PPARGC1A: variants seen among roughly 807,000 people sequenced by gnomAD.
PPARGC1A encodes PPARG coactivator 1 alpha.
A neutral mutation model predicts 88.7 loss-of-function variants in PPARGC1A; 25 were observed. That is an observed-to-expected ratio of 0.28 (90% CI 0.21 to 0.39). The LOEUF (loss-of-function observed/expected upper bound fraction) is 0.39, where lower values mean the gene tolerates loss of function less well. Ranked by LOEUF, PPARGC1A falls within the 10% of genes least tolerant of loss-of-function variation. The pLI is 1.00. For synonymous variants in PPARGC1A, 363 were observed against 355.6 expected (o/e 1.02, Z -0.24); for missense variants, 880 against 968.7 (o/e 0.91, Z 1.22).
the PPARGC1A span, among the ~76,000 whole-genome samples, chr4:24,213,076 G>T: frequency 0.79 from 119,382 of 151,422 alleles, 49,492 homozygotes; most frequent in South Asian, 0.93. Flanking sequence ...GAGTCTTCAT[G>T]TCATGCTTCT....
chr4:23,932,983 A>T, the PPARGC1A span, among the ~76,000 whole-genome samples: 1 of 152,226 alleles, frequency 6.6e-6, no homozygotes, highest in African/African-American at 2.4e-5. Context: ...AGTTGGGCAG[A>T]GTTTTCCCGA....
chr4:23,826,542 C>T (rs1367073568), intron 5 of PPARGC1A, among the ~76,000 whole-genome samples: 7 of 152,090 alleles, frequency 4.6e-5, no homozygotes, highest in Non-Finnish European at 5.9e-5. Flanking sequence ...AATTACAACA[C>T]CTTAAGAAAG....
chr4:24,038,466 T>C, the PPARGC1A span, among the ~76,000 whole-genome samples: 1 of 152,218 alleles, frequency 6.6e-6, no homozygotes, highest in Non-Finnish European at 1.5e-5. Context: ...ATATTTATAT[T>C]TCAGGGACCA....
At chr4:23,918,075 C>T in the PPARGC1A span, among the ~76,000 whole-genome samples, 1 of 152,118 alleles carries the variant, frequency 6.6e-6, no homozygotes, top group African/African-American at 2.4e-5. Context: ...AAAACTCTGG[C>T]CTTTCACCTG....
the PPARGC1A span, among the ~76,000 whole-genome samples, chr4:24,432,026 G>C: frequency 6.6e-6 from 1 of 152,032 alleles, no homozygotes; most frequent in Non-Finnish European, 1.5e-5. Flanking sequence ...AGGGAAAATG[G>C]GGGTGAGGTC....
chr4:24,445,376 G>A, the PPARGC1A span, among the ~76,000 whole-genome samples: 4 of 152,182 alleles, frequency 2.6e-5, no homozygotes, highest in African/African-American at 9.7e-5. Context: ...AGGCTGTGTG[G>A]ATACAAAATC....
chr4:24,159,061 T>C, the PPARGC1A span, among the ~76,000 whole-genome samples: 2 of 152,146 alleles, frequency 1.3e-5, no homozygotes, highest in Non-Finnish European at 2.9e-5. Context: ...AGTATAATAA[T>C]TTATGATATC....
At chr4:24,372,891 C>A in the PPARGC1A span, among the ~76,000 whole-genome samples, 1 of 152,190 alleles carries the variant, frequency 6.6e-6, no homozygotes, top group African/African-American at 2.4e-5. Context: ...GAAGGAGGTT[C>A]TGTGCTCACA....
chr4:24,132,007 C>T, the PPARGC1A span, among the ~76,000 whole-genome samples: 2 of 152,202 alleles, frequency 1.3e-5, no homozygotes, highest in East Asian at 3.9e-4. Flanking sequence ...CTAGTGCAGG[C>T]TTTGTGCCAA....
At chr4:24,210,441 T>G in the PPARGC1A span, among the ~76,000 whole-genome samples, 1 of 152,242 alleles carries the variant, frequency 6.6e-6, no homozygotes, top group Non-Finnish European at 1.5e-5. Flanking sequence ...CTTACCCTAT[T>G]TCACCATCTT....
chr4:24,239,172 T>G, the PPARGC1A span, among the ~76,000 whole-genome samples: 1 of 152,138 alleles, frequency 6.6e-6, no homozygotes, highest in Non-Finnish European at 1.5e-5. Context: ...ATCCACTCAA[T>G]AGTTATTTAT....
At chr4:24,091,660 A>G in the PPARGC1A span, 2 of 984,576 alleles carry the variant, frequency 2.0e-6, no homozygotes, top group African/African-American at 1.7e-5. Context: ...ATGCCATGCC[A>G]GAGGATGAGG....
the PPARGC1A span, among the ~76,000 whole-genome samples, chr4:24,259,315 G>A: frequency 1.3e-5 from 2 of 152,048 alleles, no homozygotes; most frequent in Admixed American, 6.5e-5. Context: ...CCTCAAATAC[G>A]CAAGCACATT....
chr4:24,334,094 TAGG>T, the PPARGC1A span, among the ~76,000 whole-genome samples: 1 of 152,084 alleles, frequency 6.6e-6, no homozygotes, highest in African/African-American at 2.4e-5. Flanking sequence ...CCCAAAGTTT[TAGG>T]AGTTCTGGGG....
chr4:23,965,313 T>C, the PPARGC1A span, among the ~76,000 whole-genome samples: 2 of 152,234 alleles, frequency 1.3e-5, no homozygotes, highest in Non-Finnish European at 2.9e-5. Context: ...CAAAAATTTA[T>C]TGATGGCAGA....
chr4:23,830,169 T>C (rs1182102972), intron 3 of PPARGC1A, among the ~76,000 whole-genome samples: 1 of 152,192 alleles, frequency 6.6e-6, no homozygotes, highest in Admixed American at 6.5e-5. Flanking sequence ...GAACCGTGTT[T>C]CATAACCTGG....
the PPARGC1A span, among the ~76,000 whole-genome samples, chr4:23,983,566 T>C: frequency 2.6e-5 from 4 of 152,196 alleles, no homozygotes; most frequent in Middle Eastern, 0.01. Flanking sequence ...CCAAAATATG[T>C]AAAGTTTGAA....
chr4:23,885,831 T>G (rs2970877), intron 1 of PPARGC1A, among the ~76,000 whole-genome samples: 35,342 of 152,152 alleles, frequency 0.23, 4,723 homozygotes, highest in Non-Finnish European at 0.3. Context: ...TTAAAATAAT[T>G]TCTACATATT....
At chr4:24,161,032 G>A in the PPARGC1A span, among the ~76,000 whole-genome samples, 1 of 152,174 alleles carries the variant, frequency 6.6e-6, no homozygotes, top group Non-Finnish European at 1.5e-5. Flanking sequence ...GCTGGCTATA[G>A]GATAAGTGAT....
Sources: allele counts gnomAD v4.1 joint callset (sites outside exome capture counted in the v4.1 genomes callset), GRCh38; gene constraint gnomAD v4.1.1; transcripts MANE v1.5; gene names NCBI Gene and HGNC (gene_info 2026-07-23, HGNC 2026-07-21).